Variants in MRPS6 observed in about 807,000 individuals in gnomAD.
MRPS6 encodes small ribosomal subunit protein bS6m.
MRPS6 carries 6 observed loss-of-function variants against 13.1 expected under a neutral mutation model. The ratio of observed to expected loss-of-function variants is 0.46; its 90% CI spans 0.25 to 0.91. MRPS6 has a LOEUF of 0.91. Among genes scored for constraint, MRPS6 ranks in the 40% least tolerant of loss-of-function variants. The probability of loss-of-function intolerance (pLI) is 0.18; values close to 1 mark genes in which losing one functional copy is unlikely to be tolerated. For missense variants in MRPS6, 164 were observed against 155.6 expected, an observed-to-expected ratio of 1.05 and a Z score of -0.29; for synonymous variants, 61 against 56.5, an observed-to-expected ratio of 1.08 and a Z score of -0.36.
At chr21:34,108,784 A>G (rs575264763) in intron 1 of MRPS6, among the ~76,000 whole-genome samples, 1 of 152,332 alleles carries the variant, frequency 6.6e-6, no homozygotes, top group East Asian at 1.9e-4. Flanking sequence ...TTGAAATCAT[A>G]AGACCATAGG....
chr21:34,121,920 G>A (rs2148667906), intron 1 of MRPS6, among the ~76,000 whole-genome samples: 1 of 152,302 alleles, frequency 6.6e-6, no homozygotes, highest in Admixed American at 6.5e-5. Flanking sequence ...TCAGTTCTGA[G>A]CCCTGCAGTG....
rs1194205349 is a variant in MRPS6 at position 34,096,305 on chromosome 21, A to G, written c.45+22560A>G. 1.2e-6 allele frequency: 2 copies of G among 1,614,106 alleles called. No homozygotes were observed. Among genetic ancestry groups the G allele is most frequent in the South Asian group, 1.1e-5 (1 of 91,086 alleles). On this transcript the variant is annotated intron_variant, in intron 1 of 2. Transcript: ENST00000399312. The surrounding 1 kb of genome is among the most constrained non-coding windows in gnomAD (Gnocchi z 5.9). ...TGGGCCTTCGGGGTTTAATGATGGC[A>G]GTGATGATTGCAGCTCTGATGAGTG...
rs75868158 is a variant in MRPS6 at position 34,105,584 on chromosome 21, C to A, written c.46-19757C>A. ...TTTGTTCAGATTTTTTGTAAGAGAC[C>A]AGTTAGTACACTGGGGGTGTATATT... On this transcript the variant is annotated intron_variant, in intron 1 of 2. Coordinates refer to ENST00000399312, the MANE Select transcript of MRPS6 (RefSeq NM_032476.4). 5.2e-4 allele frequency: 517 copies of A among 999,722 alleles called. 2 individuals are homozygous for A. The African/African-American group carries it at 8.3e-3, about 16-fold the overall frequency. 61.9% of individuals were successfully genotyped at this position (999,722 alleles called of 1,614,324 possible).
At position 34,104,248 on chromosome 21, in the gene MRPS6, G is replaced by A. The variant is rs945223085; in HGVS notation, c.46-21093G>A. On this transcript the variant is annotated intron_variant, in intron 1 of 2. Transcript: ENST00000399312. ...GAGCTACTTTGCTTTTCACAATGGG[G>A]TGGAGAGGATTCTTTCACTTGTCCC... is the stretch of plus-strand genomic sequence containing the variant. 13 of 999,958 alleles carry A rather than the reference G, an allele frequency of 1.3e-5. No homozygotes were observed. The African/African-American group carries it at 1.4e-4, about 11-fold the overall frequency. 61.9% of individuals were successfully genotyped at this position (999,958 alleles called of 1,614,324 possible). A position where few individuals can be genotyped will look rare whatever the true frequency, so the allele number is the denominator to read the frequency against.
chr21:34,115,799 C>T (rs1225877471), intron 1 of MRPS6, among the ~76,000 whole-genome samples: 1 of 151,950 alleles, frequency 6.6e-6, no homozygotes, highest in Non-Finnish European at 1.5e-5. Flanking sequence ...GTTTTAATTG[C>T]TCATCGTAAA....
intron 1 of MRPS6, chr21:34,102,076 C>G: frequency 1.0e-6 from 1 of 999,934 alleles, no homozygotes; most frequent in Non-Finnish European, 1.2e-6. Flanking sequence ...GATTGCTAGA[C>G]TTGGTTAACT....
At position 34,141,945 on chromosome 21, in the gene MRPS6, T is replaced by A. The variant is rs114493242; in HGVS notation, c.186-463T>A. ...GCCTTTCTTAATCTTTTCCCATGTT[T>A]GTGGGCTCATGGTTCTCTTAGGTGT... is the stretch of plus-strand genomic sequence containing the variant. On this transcript the variant is annotated intron_variant, in intron 2 of 2. Coordinates refer to ENST00000399312, the MANE Select transcript of MRPS6 (RefSeq NM_032476.4). Among the ~76,000 whole-genome samples, 1,428 of 152,358 alleles carry A rather than the reference T, an allele frequency of 9.4e-3. 30 individuals carry two copies. The highest frequency in any genetic ancestry group is 0.033 in the African/African-American group (1,359 of 41,572).
intron 2 of MRPS6, among the ~76,000 whole-genome samples, chr21:34,138,636 C>G (rs8133333): frequency 0.17 from 25,994 of 150,906 alleles, 4,247 homozygotes; most frequent in African/African-American, 0.43. Flanking sequence ...ACCACAATGA[C>G]ATACCATCTC....
intron 1 of MRPS6, chr21:34,101,746 A>G: frequency 2.0e-6 from 2 of 992,468 alleles, no homozygotes; most frequent in Non-Finnish European, 2.4e-6. Flanking sequence ...ATTAAATATA[A>G]TTATGTTTTA....
intron 2 of MRPS6, among the ~76,000 whole-genome samples, chr21:34,127,226 G>A (rs988714400): frequency 1.3e-5 from 2 of 152,234 alleles, no homozygotes; most frequent in Non-Finnish European, 2.9e-5. Context: ...TATAGACACA[G>A]AAAGGTAGTG....
In MRPS6 at chr21:34,125,445, G is replaced by T; in HGVS notation, c.150G>T (p.Arg50Ser). Residue 50 changes from arginine to serine, a missense_variant, in exon 2 of 3, where the codon AGG (arginine) becomes AGT (serine). Transcript: ENST00000399312. ...ENLGERALPYRISAHSQQHNR... is the reference protein window; with the variant it reads ...ENLGERALPYSISAHSQQHNR... ...TGGGTGAACGAGCGCTTCCTTATAGGATCTCTGCCCACAGTCAGCAGCACA... is the reference window on the plus strand; with the variant it reads ...TGGGTGAACGAGCGCTTCCTTATAGTATCTCTGCCCACAGTCAGCAGCACA... 1 of 1,614,078 alleles carries T rather than the reference G, an allele frequency of 6.2e-7. No individual in the cohort carries two copies. Among genetic ancestry groups the T allele is most frequent in the Non-Finnish European group, 8.5e-7 (1 of 1,179,942 alleles).
intron 1 of MRPS6, chr21:34,095,520 A>G (rs1315862142): frequency 6.2e-7 from 1 of 1,613,790 alleles, no homozygotes; most frequent in African/African-American, 1.3e-5. Context: ...AGGGGTATAT[A>G]CCATGCCTGA....
intron 1 of MRPS6, among the ~76,000 whole-genome samples, chr21:34,086,922 T>C (rs1002415511): frequency 2.0e-5 from 3 of 152,332 alleles, no homozygotes; most frequent in Middle Eastern, 3.4e-3. Flanking sequence ...TGACCTGCTC[T>C]TTCAGCTGTG....
At chr21:34,131,657 T>G (rs1451057469) in intron 2 of MRPS6, among the ~76,000 whole-genome samples, 2 of 152,160 alleles carry the variant, frequency 1.3e-5, no homozygotes, top group African/African-American at 4.8e-5. Context: ...CCACACAGGT[T>G]GTTTCTAGGC....
chr21:34,103,401 T>G, intron 1 of MRPS6: 1 of 997,906 alleles, frequency 1.0e-6, no homozygotes, highest in Non-Finnish European at 1.2e-6. Flanking sequence ...AGTTCTGTAT[T>G]TGTGTTGTAG....
At chr21:34,132,847 A>T (rs1569425221) in intron 2 of MRPS6, among the ~76,000 whole-genome samples, 1 of 152,208 alleles carries the variant, frequency 6.6e-6, no homozygotes, top group Non-Finnish European at 1.5e-5. Context: ...TGTGTCCTGG[A>T]GTCAAAAGAC....
chr21:34,114,452 A>G (rs1165815598), intron 1 of MRPS6, among the ~76,000 whole-genome samples: 3 of 152,194 alleles, frequency 2.0e-5, no homozygotes, highest in Admixed American at 1.3e-4. Context: ...GCTTCCTACT[A>G]GAGTGCGGTT....
intron 1 of MRPS6, chr21:34,103,660 A>G: frequency 1.0e-6 from 1 of 1,000,220 alleles, no homozygotes; most frequent in Non-Finnish European, 1.2e-6. Context: ...GCCAGTCATA[A>G]AGGCCACCAG....
intron 1 of MRPS6, among the ~76,000 whole-genome samples, chr21:34,083,527 GTTT>G (rs1479958903): frequency 6.6e-6 from 1 of 152,170 alleles, no homozygotes; most frequent in Non-Finnish European, 1.5e-5. Context: ...GTGTGGTTTT[GTTT>G]TTTAACTGCT....
Sources: allele counts gnomAD v4.1 joint callset (sites outside exome capture counted in the v4.1 genomes callset), GRCh38; gene constraint gnomAD v4.1.1; non-coding constraint Gnocchi (gnomAD v3.1); transcripts MANE v1.5; gene names NCBI Gene and HGNC (gene_info 2026-07-23, HGNC 2026-07-21).